The following KIF26B variants were observed in gnomAD, a reference collection of about 807,000 sequenced individuals.
KIF26B encodes kinesin family member 26B.
Under a neutral mutation model 151.2 loss-of-function variants are expected in KIF26B, and 63 were observed. The ratio of observed to expected loss-of-function variants is 0.42; its 90% CI spans 0.34 to 0.51. The LOEUF (loss-of-function observed/expected upper bound fraction) is 0.51, where lower values mean the gene tolerates loss of function less well. KIF26B is among the 20% of genes least tolerant of loss of function. The pLI is 0.07. For missense variants in KIF26B, 2,813 were observed against 2,913.6 expected (o/e 0.97, Z 0.79); for synonymous variants, 1,357 against 1,262.1 (o/e 1.08, Z -1.59).
chr1:245,502,320 A>G (rs924668812), intron 4 of KIF26B, among the ~76,000 whole-genome samples: 3 of 152,130 alleles, frequency 2.0e-5, no homozygotes, highest in Non-Finnish European at 2.9e-5. Flanking sequence ...TGAGGTCAAG[A>G]GTTTGAGACC....
intron 5 of KIF26B, among the ~76,000 whole-genome samples, chr1:245,571,005 A>G (rs1616306): frequency 0.033 from 5,047 of 152,312 alleles, 324 homozygotes; most frequent in African/African-American, 0.12. Context: ...GAGAATGATA[A>G]TAGTATCTGC....
chr1:245,155,895 T>TC (rs1306973647), intron 1 of KIF26B, among the ~76,000 whole-genome samples: 1 of 151,332 alleles, frequency 6.6e-6, no homozygotes, highest in Non-Finnish European at 1.5e-5. Flanking sequence ...ATCACAGCCC[T>TC]CCCCCTACCC....
At chr1:245,379,218 G>C (rs1020983343) in intron 3 of KIF26B, among the ~76,000 whole-genome samples, 1 of 152,200 alleles carries the variant, frequency 6.6e-6, no homozygotes, top group African/African-American at 2.4e-5. Context: ...CACATCTCGT[G>C]TGAGAATGTC....
chr1:245,612,101 T>TGAGAGA (rs2043532969), intron 9 of KIF26B, 125 bp downstream of exon 9: 6 of 500,654 alleles, frequency 1.2e-5, no homozygotes, highest in African/African-American at 9.0e-5. Context: ...TGTGTGTGTG[T>TGAGAGA]GTGTGAGAGA....
At chr1:245,163,918 T>C (rs1348102310) in intron 2 of KIF26B, among the ~76,000 whole-genome samples, 1 of 152,246 alleles carries the variant, frequency 6.6e-6, no homozygotes, top group Non-Finnish European at 1.5e-5. Context: ...CAAAAAATTT[T>C]GTCTTCTTCA....
intron 4 of KIF26B, among the ~76,000 whole-genome samples, chr1:245,491,307 C>CTT (rs913904655): frequency 9.2e-5 from 14 of 152,172 alleles, no homozygotes; most frequent in African/African-American, 3.4e-4. Context: ...AAGAAGATAA[C>CTT]TTTATATCAA....
intron 3 of KIF26B, among the ~76,000 whole-genome samples, chr1:245,374,790 G>A (rs1223732446): frequency 6.6e-6 from 1 of 152,164 alleles, no homozygotes; most frequent in Non-Finnish European, 1.5e-5. Context: ...TGTATATTCG[G>A]TCATGGACAC....
At position 245,627,273 on chromosome 1, in the gene KIF26B, C is replaced by T. The variant is rs182762910; in HGVS notation, c.2098+15297C>T. Among the ~76,000 whole-genome samples the T allele has an allele frequency of 5.3e-5, 8 of 152,176 alleles. No individual in the cohort carries two copies. The East Asian group carries it at 1.2e-3, about 22-fold the overall frequency. The stretch of plus-strand genomic sequence containing the variant: ...AATGTCATGGATATTTCGACAGAGA[C>T]TGCATTGAGTCTGTAGATTGCTTTG... On this transcript the variant is annotated intron_variant, in intron 9 of 14. Transcript: ENST00000407071.
intron 4 of KIF26B, among the ~76,000 whole-genome samples, chr1:245,474,436 G>A (rs1317041209): frequency 7.0e-6 from 1 of 141,856 alleles, no homozygotes; most frequent in Admixed American, 7.3e-5. Context: ...TTTTTTTTTG[G>A]AGTCTCACTC....
intron 2 of KIF26B, among the ~76,000 whole-genome samples, chr1:245,212,908 A>ATTGATGGGGGTTCTCCC (rs1669573726): frequency 6.6e-6 from 1 of 152,236 alleles, no homozygotes; most frequent in Non-Finnish European, 1.5e-5. Context: ...TCTAGACGTC[A>ATTGATGGGGGTTCTCCC]TTGATGGGGG....
intron 2 of KIF26B, among the ~76,000 whole-genome samples, chr1:245,201,590 TA>T (rs1349200686): frequency 1.3e-5 from 2 of 152,210 alleles, no homozygotes; most frequent in African/African-American, 2.4e-5. Flanking sequence ...ATAACTACAA[TA>T]AATGACTTGT....
chr1:245,565,138 A>C (rs888592066), intron 5 of KIF26B, among the ~76,000 whole-genome samples: 4 of 152,108 alleles, frequency 2.6e-5, no homozygotes, highest in African/African-American at 9.7e-5. Flanking sequence ...CTCTATAAAA[A>C]ATTTTTTTAA....
At chr1:245,259,482 G>A (rs1236123347) in intron 2 of KIF26B, among the ~76,000 whole-genome samples, 1 of 152,188 alleles carries the variant, frequency 6.6e-6, no homozygotes, top group Admixed American at 6.5e-5. Context: ...TAGAGAATAA[G>A]GCCGGAGGAA....
At chr1:245,195,558 A>G (rs1418672223) in intron 2 of KIF26B, among the ~76,000 whole-genome samples, 1 of 152,086 alleles carries the variant, frequency 6.6e-6, no homozygotes, top group Non-Finnish European at 1.5e-5. Flanking sequence ...CCTTTCCTAA[A>G]TCCTTCCTTT....
At position 245,170,732 on chromosome 1, in the gene KIF26B, G is replaced by A. The variant is rs927825334; in HGVS notation, c.465+14049G>A. 6.6e-6 allele frequency among the ~76,000 whole-genome samples: 1 copy of A among 152,146 alleles called. No homozygotes were observed. The highest frequency in any genetic ancestry group is 1.5e-5 in the Non-Finnish European group (1 of 68,024). ...AAGGGCAGGAATCCCAATTATGAGAGCTCTGCCTTCATGACCCAGTTTGCT... is the reference window on the plus strand; with the variant it reads ...AAGGGCAGGAATCCCAATTATGAGAACTCTGCCTTCATGACCCAGTTTGCT... On this transcript the variant is annotated intron_variant, in intron 2 of 14. Transcript: ENST00000407071. This position sits in a 1 kb window ranked among gnomAD's most constrained non-coding sequence, Gnocchi z 4.4.
Position 245,697,363 on chromosome 1 carries a change from C to T in KIF26B, c.5825-743C>T, listed in dbSNP as rs141960754. ...AAAGAGGATAGATACTGGGAGAGAACTAGCCGTCCTCGTCACAACGTGTGA... is the reference window on the plus strand; with the variant it reads ...AAAGAGGATAGATACTGGGAGAGAATTAGCCGTCCTCGTCACAACGTGTGA... On this transcript the variant is annotated intron_variant, in intron 12 of 14. Coordinates refer to ENST00000407071, the MANE Select transcript of KIF26B (RefSeq NM_018012.4). 9.3e-4 allele frequency among the ~76,000 whole-genome samples: 141 copies of T among 152,348 alleles called. 1 individual carries two copies. Among genetic ancestry groups the T allele is most frequent in the African/African-American group, 2.8e-3 (116 of 41,580 alleles).
chr1:245,692,164 A>G (rs192251827), intron 12 of KIF26B, among the ~76,000 whole-genome samples: 1 of 152,312 alleles, frequency 6.6e-6, no homozygotes, highest in African/African-American at 2.4e-5. Flanking sequence ...TCAGTTGTTC[A>G]ACATTGACCA....
intron 9 of KIF26B, among the ~76,000 whole-genome samples, chr1:245,615,416 G>C (rs957110596): frequency 2.6e-5 from 4 of 152,102 alleles, no homozygotes; most frequent in African/African-American, 9.7e-5. Flanking sequence ...AAAGTAGGGA[G>C]AAATCTTGAA....
At chr1:245,532,006 T>G (rs1661372276) in intron 4 of KIF26B, among the ~76,000 whole-genome samples, 1 of 152,080 alleles carries the variant, frequency 6.6e-6, no homozygotes, top group Non-Finnish European at 1.5e-5. Flanking sequence ...TAGGATCACT[T>G]CAGCCCAGAA....
Sources: allele counts gnomAD v4.1 joint callset (sites outside exome capture counted in the v4.1 genomes callset), GRCh38; gene constraint gnomAD v4.1.1; non-coding constraint Gnocchi (gnomAD v3.1); transcripts MANE v1.5; gene names NCBI Gene and HGNC (gene_info 2026-07-23, HGNC 2026-07-21).